Variants in EPS15 observed in about 807,000 individuals in gnomAD.
EPS15 encodes epidermal growth factor receptor substrate 15.
Under a neutral mutation model 113.8 loss-of-function variants are expected in EPS15, and 72 were observed. The ratio of observed to expected loss-of-function variants is 0.63; its 90% CI spans 0.52 to 0.77. EPS15 has a LOEUF of 0.77. EPS15 is among the 30% of genes least tolerant of loss of function. The pLI, the probability that EPS15 is intolerant of heterozygous loss-of-function variation, is 0.00. For synonymous variants in EPS15, 344 were observed against 363.4 expected, an observed-to-expected ratio of 0.95 and a Z score of 0.61; for missense variants, 1,048 against 1,045.8, an observed-to-expected ratio of 1.00 and a Z score of -0.03.
chr1:51,465,226 G>A (rs1654759892), intron 6 of EPS15, 35 bp downstream of exon 6: 3 of 1,344,188 alleles, frequency 2.2e-6, no homozygotes, highest in Non-Finnish European at 3.2e-6. Flanking sequence ...AGGAAGCAAT[G>A]AAGGGGTGAG....
At position 51,468,493 on chromosome 1, in the gene EPS15, C is replaced by G; in HGVS notation, c.289G>C (p.Ala97Pro). The G allele has an allele frequency of 6.2e-7, 1 of 1,610,430 alleles. No homozygotes were observed. Among genetic ancestry groups the G allele is most frequent in the Non-Finnish European group, 8.5e-7 (1 of 1,176,798 alleles). Reference sequence around the variant, plus strand: ...CTTACAAATCTTGGTGGAGGAACAGCCAGGTTCAAACTACTTAGTGAAACT... The same window carrying G: ...CTTACAAATCTTGGTGGAGGAACAGGCAGGTTCAAACTACTTAGTGAAACT... The part of the protein sequence containing the change: ...LEVSLSSLNL[A>P]VPPPRFHDTS... Residue 97 changes from alanine to proline, a missense_variant, in exon 5 of 25, where the codon GCT becomes CCT. Transcript: ENST00000371733.
chr1:51,431,014 A>T (rs1651681481), intron 12 of EPS15, among the ~76,000 whole-genome samples: 1 of 137,970 alleles, frequency 7.2e-6, no homozygotes, highest in Non-Finnish European at 1.7e-5. Context: ...ACACACACAC[A>T]CACACACACA....
intron 1 of EPS15, among the ~76,000 whole-genome samples, chr1:51,482,759 C>T (rs1206156379): frequency 6.6e-6 from 1 of 152,014 alleles, no homozygotes; most frequent in African/African-American, 2.4e-5. Flanking sequence ...AGCCACCACA[C>T]CCGGCCTTAG....
chr1:51,397,524 AGAG>A (rs1375797483), intron 20 of EPS15, among the ~76,000 whole-genome samples: 1 of 152,212 alleles, frequency 6.6e-6, no homozygotes, highest in Non-Finnish European at 1.5e-5. Flanking sequence ...TAAGAAGGTG[AGAG>A]GAGAAGAATT....
At chr1:51,395,118 T>C (rs72694177) in intron 20 of EPS15, among the ~76,000 whole-genome samples, 4,574 of 152,260 alleles carry the variant, frequency 0.03, 74 homozygotes, top group African/African-American at 0.05. Context: ...CCTTGGCCTC[T>C]GAAAGCACTG....
At chr1:51,429,711 C>A (rs771377387) in intron 12 of EPS15, among the ~76,000 whole-genome samples, 1 of 148,832 alleles carries the variant, frequency 6.7e-6, no homozygotes, top group African/African-American at 2.5e-5. Flanking sequence ...AGTGCAGTGG[C>A]GCGATCTTGG....
chr1:51,366,528 G>T (rs924970122), intron 21 of EPS15, among the ~76,000 whole-genome samples: 1 of 152,088 alleles, frequency 6.6e-6, no homozygotes, highest in African/African-American at 2.4e-5. Flanking sequence ...ATCAACTGAT[G>T]AATGATTTAT....
chr1:51,445,531 AC>A (rs1402280861), intron 10 of EPS15, among the ~76,000 whole-genome samples: 1 of 152,186 alleles, frequency 6.6e-6, no homozygotes, highest in Non-Finnish European at 1.5e-5. Flanking sequence ...AGCAGAATAA[AC>A]AGCTGCAAAT....
chr1:51,364,051 A>T, intron 22 of EPS15, 23 bp from the exon 23 acceptor site: 1 of 1,563,980 alleles, frequency 6.4e-7, no homozygotes, highest in Non-Finnish European at 8.7e-7. Context: ...AGAAATGGTT[A>T]TACATGGCTA....
At chr1:51,488,605 G>T (rs1644170976) in intron 1 of EPS15, among the ~76,000 whole-genome samples, 1 of 151,592 alleles carries the variant, frequency 6.6e-6, no homozygotes, top group South Asian at 2.1e-4. Context: ...TGATCTGGTT[G>T]GTTTTGAGAC....
intron 1 of EPS15, among the ~76,000 whole-genome samples, chr1:51,510,465 T>C (rs1048353049): frequency 6.6e-6 from 1 of 152,246 alleles, no homozygotes; most frequent in African/African-American, 2.4e-5. Flanking sequence ...ATAATGTATG[T>C]AGATCATCTA....
intron 1 of EPS15, among the ~76,000 whole-genome samples, chr1:51,487,386 C>A (rs1644144658): frequency 6.6e-6 from 1 of 151,944 alleles, no homozygotes; most frequent in African/African-American, 2.4e-5. Flanking sequence ...TTAAATGGAG[C>A]TATTTTATTG....
chr1:51,415,901 C>A (rs572433365), intron 13 of EPS15, among the ~76,000 whole-genome samples: 1 of 144,436 alleles, frequency 6.9e-6, no homozygotes, highest in African/African-American at 2.6e-5. Flanking sequence ...TTAAACTGCA[C>A]AAAATCAAAA....
At position 51,468,586 on chromosome 1, in the gene EPS15, G is replaced by A. The variant is rs1017534546; in HGVS notation, c.214-18C>T. 6.5e-7 allele frequency: 1 copy of A among 1,540,722 alleles called. No individual in the cohort carries two copies. Among genetic ancestry groups the A allele is most frequent in the Non-Finnish European group, 9.0e-7 (1 of 1,114,852 alleles). On this transcript the variant is annotated intron_variant, in intron 4 of 24. Coordinates refer to ENST00000371733, the MANE Select transcript of EPS15 (RefSeq NM_001981.3). ...AAGAATTCCTAAGAAAGAAAAGTAT[G>A]AATGTTAAGAGCATTCTCCCTCTAC...
intron 18 of EPS15, among the ~76,000 whole-genome samples, chr1:51,402,219 C>T (rs780027001): frequency 6.6e-6 from 1 of 150,564 alleles, no homozygotes; most frequent in African/African-American, 2.4e-5. Context: ...TGGTGGTGGG[C>T]GCCTGTAGTC....
chr1:51,359,299 C>T (rs1295595700), intron 24 of EPS15, among the ~76,000 whole-genome samples: 1 of 151,844 alleles, frequency 6.6e-6, no homozygotes, highest in East Asian at 1.9e-4. Flanking sequence ...CAAAAATTGG[C>T]TAGGTGTGGT....
chr1:51,356,822 C>T lies in EPS15; in HGVS notation c.2569G>A (p.Glu857Lys), dbSNP rs762929521. Residue 857 changes from glutamate to lysine, a missense_variant, in exon 25 of 25, where the codon GAA (glutamate) becomes AAA (lysine). Physicochemically the swap from Glu to Lys is moderately conservative, Grantham distance 56. Coordinates refer to ENST00000371733, the MANE Select transcript of EPS15 (RefSeq NM_001981.3). The stretch of plus-strand genomic sequence containing the variant: ...CTCTCACTTTCCCTCTTGGCCCATT[C>T]GATCATATCTTCTTCAGAGGGATAC... ...SAYPSEEDMI[E>K]WAKRESEREE... is the part of the protein sequence containing the mutation. 8 of 1,613,190 alleles carry T rather than the reference C, an allele frequency of 5.0e-6. No individual in the cohort carries two copies. The highest frequency in any genetic ancestry group is 1.3e-5 in the African/African-American group (1 of 74,958).
intron 21 of EPS15, among the ~76,000 whole-genome samples, chr1:51,384,489 A>G (rs1327260363): frequency 1.3e-5 from 2 of 151,412 alleles, no homozygotes; most frequent in African/African-American, 4.9e-5. Flanking sequence ...TTTTGTAGAG[A>G]CAGAGTCTCA....
chr1:51,512,382 C>G (rs1187993311), intron 1 of EPS15, among the ~76,000 whole-genome samples: 1 of 152,146 alleles, frequency 6.6e-6, no homozygotes, highest in Non-Finnish European at 1.5e-5. Flanking sequence ...TAGTCTGCCT[C>G]TGCTCCTGAA....
Sources: gnomAD v4.1 joint callset for allele counts (sites outside exome capture counted in the v4.1 genomes callset) on GRCh38, gnomAD v4.1.1 for gene constraint, MANE v1.5 for transcripts, NCBI Gene and HGNC (gene_info 2026-07-23, HGNC 2026-07-21) for gene names.